The following MYO5B variants were observed in gnomAD, a reference collection of about 807,000 sequenced individuals.
MYO5B encodes myosin VB, also known as unconventional myosin-Vb.
MYO5B carries 143 observed loss-of-function variants against 229.3 expected under a neutral mutation model. That is an observed-to-expected ratio of 0.62 (90% CI 0.54 to 0.72). The LOEUF (loss-of-function observed/expected upper bound fraction) is 0.72, where lower values mean the gene tolerates loss of function less well. Among genes scored for constraint, MYO5B ranks in the 30% least tolerant of loss-of-function variants. The pLI is 0.00. For synonymous variants in MYO5B, 918 were observed against 885.2 expected, an observed-to-expected ratio of 1.04 and a Z score of -0.66; for missense variants, 2,321 against 2,331.0, an observed-to-expected ratio of 1.00 and a Z score of 0.09.
chr18:50,181,063 T>C (rs1030731445), intron 1 of MYO5B, among the ~76,000 whole-genome samples: 2 of 152,218 alleles, frequency 1.3e-5, no homozygotes, highest in African/African-American at 4.8e-5. Context: ...GTATTCACCA[T>C]CCACTTTCAA....
intron 27 of MYO5B, among the ~76,000 whole-genome samples, chr18:49,865,259 G>T (rs1052274518): frequency 6.6e-6 from 1 of 152,182 alleles, no homozygotes; most frequent in African/African-American, 2.4e-5. Flanking sequence ...AAGGCTCACA[G>T]CAAGTTTAGA....
At chr18:50,001,480 C>T (rs2026046840) in intron 4 of MYO5B, 69 bp from the exon 5 acceptor site, 1 of 1,568,252 alleles carries the variant, frequency 6.4e-7, no homozygotes, top group Non-Finnish European at 8.8e-7. Context: ...GGGACTCTGT[C>T]TGACAAGGGC....
chr18:50,103,473 G>A (rs1416047608), intron 1 of MYO5B, among the ~76,000 whole-genome samples: 1 of 152,154 alleles, frequency 6.6e-6, no homozygotes, highest in African/African-American at 2.4e-5. Context: ...GTCAAGGCTG[G>A]GTATGTGGGC....
intron 39 of MYO5B, 114 bp from the exon 40 acceptor site, chr18:49,826,737 G>C: frequency 7.9e-7 from 1 of 1,263,714 alleles, no homozygotes; most frequent in South Asian, 1.2e-5. Flanking sequence ...ACGACAATTA[G>C]GTAGAACTTC....
chr18:50,160,647 T>TG (rs565321451), intron 1 of MYO5B, among the ~76,000 whole-genome samples: 7 of 152,054 alleles, frequency 4.6e-5, no homozygotes, highest in Admixed American at 1.3e-4. Flanking sequence ...GGGGGTGGCT[T>TG]GGGGGGCCAC....
rs565359026 is a variant in MYO5B at position 50,108,065 on chromosome 18, TG to T, written c.28-52688del. ...CTGGGATTACAGGCATGCACCACCA[TG>T]CCTGGCTAATTTTTGTATTTTTAGT... is the stretch of plus-strand genomic sequence containing the variant. On this transcript the variant is annotated intron_variant, in intron 1 of 39. Transcript: ENST00000285039. Among the ~76,000 whole-genome samples the T allele has an allele frequency of 1.8e-4, 27 of 152,240 alleles. No individual in the cohort carries two copies. In the South Asian group the frequency reaches 5.6e-3, roughly 32 times the overall value.
intron 17 of MYO5B, among the ~76,000 whole-genome samples, chr18:49,912,383 A>C (rs1207495996): frequency 1.3e-5 from 2 of 152,090 alleles, no homozygotes; most frequent in Non-Finnish European, 2.9e-5. Context: ...TTGTGGCTGG[A>C]GGGCTGGAAA....
At chr18:49,869,376 G>C (rs1187493995) in intron 27 of MYO5B, among the ~76,000 whole-genome samples, 1 of 152,144 alleles carries the variant, frequency 6.6e-6, no homozygotes, top group Non-Finnish European at 1.5e-5. Flanking sequence ...TCCTTACATG[G>C]GTAATTTTAA....
intron 1 of MYO5B, among the ~76,000 whole-genome samples, chr18:50,124,770 C>A (rs1429562501): frequency 1.3e-5 from 2 of 152,002 alleles, no homozygotes; most frequent in Admixed American, 1.3e-4. Context: ...CCCCGCCCCA[C>A]CCCGCTTGAT....
intron 14 of MYO5B, among the ~76,000 whole-genome samples, chr18:49,939,180 T>A (rs2025286429): frequency 7.2e-6 from 1 of 139,730 alleles, no homozygotes; most frequent in Non-Finnish European, 1.5e-5. Context: ...ACAGTCTCGC[T>A]CTGTTACCAG....
In MYO5B at chr18:49,864,261, G is replaced by T; in HGVS notation, c.3723C>A (p.Ser1241Arg). 4 of 1,614,162 alleles carry T rather than the reference G, an allele frequency of 2.5e-6. No homozygotes were observed. The highest frequency in any genetic ancestry group is 3.4e-6 in the Non-Finnish European group (4 of 1,180,044). ...CCAGCTTGAGCTGGTTCAGCAGGAG[G>T]CTGTAGCTATCTGGGGAGCCGTGGC... ...NSSHGSPDSYSLLLNQLKLAH... is the reference protein window; with the variant it reads ...NSSHGSPDSYRLLLNQLKLAH... The change falls in exon 28 of 40, where the codon AGC (serine) becomes AGA (arginine). Residue 1241 changes from serine to arginine, a missense_variant. Transcript: ENST00000285039.
chr18:50,037,480 C>T (rs1354430647), intron 3 of MYO5B, among the ~76,000 whole-genome samples: 2 of 152,186 alleles, frequency 1.3e-5, no homozygotes, highest in Non-Finnish European at 2.9e-5. Flanking sequence ...GAGATCTAAT[C>T]TTGGCTCAGC....
intron 1 of MYO5B, among the ~76,000 whole-genome samples, chr18:50,134,496 A>G (rs2032304709): frequency 6.6e-6 from 1 of 152,066 alleles, no homozygotes; most frequent in Non-Finnish European, 1.5e-5. Flanking sequence ...CGGAGGTTGC[A>G]GTGAGCCGAG....
chr18:50,091,546 C>T (rs957339426), intron 1 of MYO5B, among the ~76,000 whole-genome samples: 5 of 152,192 alleles, frequency 3.3e-5, no homozygotes, highest in Admixed American at 2.0e-4. Context: ...GAGAACCTAA[C>T]GGATGTATGT....
At chr18:50,111,492 T>C (rs1295783848) in intron 1 of MYO5B, among the ~76,000 whole-genome samples, 1 of 152,230 alleles carries the variant, frequency 6.6e-6, no homozygotes, top group East Asian at 1.9e-4. Context: ...GGGCAAATTC[T>C]CCAGATTGTA....
At chr18:50,101,145 T>C (rs2031646878) in intron 1 of MYO5B, among the ~76,000 whole-genome samples, 1 of 152,038 alleles carries the variant, frequency 6.6e-6, no homozygotes, top group African/African-American at 2.4e-5. Flanking sequence ...ACAAAACAAA[T>C]CCCCCAAAAT....
chr18:50,064,465 CA>C (rs2030769523), intron 1 of MYO5B: 1 of 152,200 alleles, frequency 6.6e-6, no homozygotes, highest in South Asian at 2.1e-4. Context: ...CCTAGACTGT[CA>C]AACCTCCCTA....
At chr18:49,885,168 A>G (rs193172368) in intron 22 of MYO5B, among the ~76,000 whole-genome samples, 3 of 152,284 alleles carry the variant, frequency 2.0e-5, no homozygotes, top group African/African-American at 7.2e-5. Flanking sequence ...GTCCACACAA[A>G]AACTTGTACG....
intron 10 of MYO5B, among the ~76,000 whole-genome samples, chr18:49,965,408 T>A (rs2025611727): frequency 6.6e-6 from 1 of 151,486 alleles, no homozygotes; most frequent in Non-Finnish European, 1.5e-5. Context: ...ACATTTTCCA[T>A]CTCTTCTCAT....
Sources: gnomAD v4.1 joint callset for allele counts (sites outside exome capture counted in the v4.1 genomes callset) on GRCh38, gnomAD v4.1.1 for gene constraint, MANE v1.5 for transcripts, NCBI Gene and HGNC (gene_info 2026-07-23, HGNC 2026-07-21) for gene names.